Variants in ITGA9 observed in about 807,000 individuals in gnomAD.
ITGA9 encodes integrin alpha-9.
In ITGA9, 56 loss-of-function variants were observed where a neutral mutation model predicts 127.8. The observed-to-expected ratio is 0.44, with a 90% CI of 0.35 to 0.55. The LOEUF (loss-of-function observed/expected upper bound fraction) is 0.55. Ranked by LOEUF, ITGA9 falls within the 20% of genes least tolerant of loss-of-function variation. The pLI is 0.00. For missense variants in ITGA9, 1,196 were observed against 1,347.1 expected, an observed-to-expected ratio of 0.89 and a Z score of 1.76; for synonymous variants, 508 against 514.5, an observed-to-expected ratio of 0.99 and a Z score of 0.17.
At chr3:37,626,683 A>G (rs985320348) in intron 15 of ITGA9, among the ~76,000 whole-genome samples, 4 of 152,172 alleles carry the variant, frequency 2.6e-5, no homozygotes, top group Non-Finnish European at 5.9e-5. Flanking sequence ...TCAAAAAAAA[A>G]GTGGAAGGTG....
chr3:37,571,759 T>G (rs907873988), intron 15 of ITGA9, among the ~76,000 whole-genome samples: 5 of 152,076 alleles, frequency 3.3e-5, no homozygotes, highest in Non-Finnish European at 5.9e-5. Context: ...TTCTGCTTTC[T>G]TAGGCACTAG....
rs1696545952 is a variant in ITGA9 at position 37,748,971 on chromosome 3, C to T, written c.2434-1491C>T. On this transcript the variant is annotated intron_variant, in intron 22 of 27. Coordinates refer to ENST00000264741, the MANE Select transcript of ITGA9 (RefSeq NM_002207.3). ...AAAAAGAAAAAAGAAAAATCCTTAACCCATTGACATAGCTTCTTGTATTAA... is the reference window on the plus strand; with the variant it reads ...AAAAAGAAAAAAGAAAAATCCTTAATCCATTGACATAGCTTCTTGTATTAA... 1.3e-5 allele frequency: 7 copies of T among 548,706 alleles called. No homozygotes were observed. The Admixed American group carries it at 2.1e-4, about 17-fold the overall frequency. The allele number at this position is 548,706 out of a possible 1,614,324, so 34.0% of individuals were successfully genotyped here. A position where few individuals can be genotyped will look rare whatever the true frequency, so the allele number is the denominator to read the frequency against.
chr3:37,792,149 A>G (rs772927995), intron 26 of ITGA9, among the ~76,000 whole-genome samples: 1 of 152,216 alleles, frequency 6.6e-6, no homozygotes, highest in Non-Finnish European at 1.5e-5. Context: ...CTGACCATCA[A>G]GAATTGAGAA....
chr3:37,466,335 T>A (rs1698370180), intron 1 of ITGA9, among the ~76,000 whole-genome samples: 2 of 151,610 alleles, frequency 1.3e-5, no homozygotes, highest in African/African-American at 4.9e-5. Context: ...ATATAAAAAT[T>A]AGCGGGGCGT....
At chr3:37,752,936 G>A (rs926072805) in intron 23 of ITGA9, among the ~76,000 whole-genome samples, 2 of 152,196 alleles carry the variant, frequency 1.3e-5, no homozygotes, top group African/African-American at 2.4e-5. Context: ...TGTAGCTAAT[G>A]TCTCTGAGCC....
intron 15 of ITGA9, among the ~76,000 whole-genome samples, chr3:37,549,127 A>C (rs555760283): frequency 9.8e-5 from 15 of 152,298 alleles, no homozygotes; most frequent in African/African-American, 3.4e-4. Context: ...CTCCTCTGGG[A>C]GGCCATGTTG....
At chr3:37,702,500 C>T (rs76914664) in intron 18 of ITGA9, among the ~76,000 whole-genome samples, 3,055 of 152,220 alleles carry the variant, frequency 0.02, 95 homozygotes, top group African/African-American at 0.069. Context: ...TAAAGAAGGA[C>T]CTTGCAAAGC....
chr3:37,553,320 A>T (rs777255181), intron 15 of ITGA9, among the ~76,000 whole-genome samples: 3 of 152,222 alleles, frequency 2.0e-5, no homozygotes, highest in Non-Finnish European at 4.4e-5. Context: ...AACTCACTCA[A>T]ATATCACCAG....
intron 23 of ITGA9, among the ~76,000 whole-genome samples, chr3:37,762,222 T>C (rs1352496168): frequency 6.6e-6 from 1 of 152,214 alleles, no homozygotes; most frequent in East Asian, 1.9e-4. Context: ...GGGGAACCCT[T>C]GGTCTTTTTC....
chr3:37,650,116 G>A (rs1335007598), intron 16 of ITGA9, among the ~76,000 whole-genome samples: 3 of 152,176 alleles, frequency 2.0e-5, no homozygotes, highest in Non-Finnish European at 2.9e-5. Context: ...CCTCTGCATG[G>A]ACAGCTTGTG....
chr3:37,795,502 C>G lies in ITGA9; in HGVS notation c.2890-8321C>G, dbSNP rs577460331. On this transcript the variant is annotated intron_variant, in intron 26 of 27. Transcript: ENST00000264741. ...TTGGCAACCTCAGGTACGTTAAATT[C>G]TACAGAAGCAGGCAGGGTGCCAGTG... 3.3e-5 allele frequency among the ~76,000 whole-genome samples: 5 copies of G among 152,330 alleles called. No homozygotes were observed. The South Asian group carries it at 1.0e-3, about 32-fold the overall frequency.
rs35309407 is a variant in ITGA9, at chr3:37,820,505, C to T, written c.*1516C>T. 0.087 allele frequency: 13,300 copies of T among 152,236 alleles called. 958 individuals carry two copies. The highest frequency in any genetic ancestry group is 0.19 in the East Asian group (979 of 5,174). The allele number at this position is 152,236 out of a possible 1,614,324, so 9.4% of individuals were successfully genotyped here. A position where few individuals can be genotyped will look rare whatever the true frequency, so the allele number is the denominator to read the frequency against. The stretch of plus-strand genomic sequence containing the variant: ...CCCTGAATGTGTGAGTGCTGAGTTA[C>T]GGCCTTCAGTATCCAAGCTCTCTGT... On this transcript the variant is annotated 3_prime_UTR_variant, in exon 28 of 28. Coordinates refer to ENST00000264741, the MANE Select transcript of ITGA9 (RefSeq NM_002207.3).
intron 16 of ITGA9, among the ~76,000 whole-genome samples, chr3:37,652,545 T>C (rs6798191): frequency 0.31 from 46,982 of 151,930 alleles, 7,922 homozygotes; most frequent in African/African-American, 0.45. Flanking sequence ...ATATGAATTT[T>C]CATAGGCGAA....
chr3:37,780,313 C>G (rs73055093), intron 25 of ITGA9, among the ~76,000 whole-genome samples: 1 of 152,114 alleles, frequency 6.6e-6, no homozygotes, highest in Non-Finnish European at 1.5e-5. Context: ...CCCTCACCCC[C>G]CTCCCACATT....
chr3:37,774,892 C>T (rs1696888281), intron 23 of ITGA9, among the ~76,000 whole-genome samples: 1 of 152,070 alleles, frequency 6.6e-6, no homozygotes, highest in Non-Finnish European at 1.5e-5. Context: ...TATAGTAAAT[C>T]CTGGAATGTA....
intron 18 of ITGA9, among the ~76,000 whole-genome samples, chr3:37,699,118 G>C (rs1700918708): frequency 6.6e-6 from 1 of 152,064 alleles, no homozygotes; most frequent in South Asian, 2.1e-4. Context: ...TTCAACATTG[G>C]AGAGCCTCAG....
intron 15 of ITGA9, among the ~76,000 whole-genome samples, chr3:37,553,079 C>T (rs1240436385): frequency 1.3e-5 from 2 of 151,628 alleles, no homozygotes; most frequent in East Asian, 3.9e-4. Flanking sequence ...ATTAGGATAG[C>T]ACAAAGAAAT....
intron 22 of ITGA9, 138 bp downstream of exon 22, chr3:37,744,172 T>C: frequency 1.4e-6 from 1 of 720,072 alleles, no homozygotes; most frequent in South Asian, 1.5e-5. Context: ...GTGAGATCTG[T>C]AACCACACAC....
chr3:37,610,624 CAG>C lies in ITGA9; in HGVS notation c.1690-18561_1690-18560del, dbSNP rs67855716. Reference sequence around the variant, plus strand: ...AATAATACCTATGTCGAGATAATATCAGATAACCTATAAAAGCAGGTAGCCCA... The same window carrying C: ...AATAATACCTATGTCGAGATAATATCATAACCTATAAAAGCAGGTAGCCCA... On this transcript the variant is annotated intron_variant, in intron 15 of 27. Coordinates refer to ENST00000264741, the MANE Select transcript of ITGA9 (RefSeq NM_002207.3). 4.4e-3 allele frequency among the ~76,000 whole-genome samples: 663 copies of C among 152,292 alleles called. 5 individuals carry two copies. Among genetic ancestry groups the C allele is most frequent in the African/African-American group, 0.015 (641 of 41,544 alleles).
Sources: gnomAD v4.1 joint callset for allele counts (sites outside exome capture counted in the v4.1 genomes callset) on GRCh38, gnomAD v4.1.1 for gene constraint, MANE v1.5 for transcripts, NCBI Gene and HGNC (gene_info 2026-07-23, HGNC 2026-07-21) for gene names.